The following LRP1B variants were observed in gnomAD, a reference collection of about 807,000 sequenced individuals.
LRP1B encodes the protein low-density lipoprotein receptor-related protein 1B.
In LRP1B, 217 loss-of-function variants were observed where a neutral mutation model predicts 556.6. The ratio of observed to expected loss-of-function variants is 0.39; its 90% CI spans 0.35 to 0.44. The LOEUF is 0.44. Among genes scored for constraint, LRP1B ranks in the 20% least tolerant of loss-of-function variants. The pLI, the probability that LRP1B is intolerant of heterozygous loss-of-function variation, is 1.00. For missense variants in LRP1B, 5,053 were observed against 5,620.8 expected, an observed-to-expected ratio of 0.90 and a Z score of 3.23; for synonymous variants, 2,047 against 1,865.8, an observed-to-expected ratio of 1.10 and a Z score of -2.50.
At chr2:140,887,341 G>C (rs560000056) in intron 23 of LRP1B, among the ~76,000 whole-genome samples, 1 of 152,142 alleles carries the variant, frequency 6.6e-6, no homozygotes, top group Non-Finnish European at 1.5e-5. Context: ...TAGCTCTTAT[G>C]TTAGGTCTTT....
chr2:141,958,681 A>C (rs1365032870), intron 1 of LRP1B, among the ~76,000 whole-genome samples: 4 of 151,378 alleles, frequency 2.6e-5, no homozygotes, highest in Non-Finnish European at 5.9e-5. Context: ...GAATAAAGTG[A>C]AAAGCTTTAA....
intron 2 of LRP1B, among the ~76,000 whole-genome samples, chr2:141,570,061 T>C (rs1461096737): frequency 2.0e-5 from 3 of 150,982 alleles, no homozygotes; most frequent in South Asian, 4.2e-4. Flanking sequence ...AGCAAGACCC[T>C]GTCTCTAGAA....
intron 43 of LRP1B, among the ~76,000 whole-genome samples, chr2:140,580,650 A>C (rs1177487381): frequency 6.6e-6 from 1 of 152,230 alleles, no homozygotes; most frequent in Non-Finnish European, 1.5e-5. Flanking sequence ...AATGCGGATG[A>C]AGTCTGTCAT....
chr2:140,435,542 C>T (rs547044032), intron 66 of LRP1B, among the ~76,000 whole-genome samples: 238 of 152,214 alleles, frequency 1.6e-3, no homozygotes, highest in African/African-American at 5.4e-3. Flanking sequence ...ATTTCTCTTA[C>T]GGCTTTTGCT....
chr2:140,367,822 T>C (rs2105158949), intron 71 of LRP1B, among the ~76,000 whole-genome samples: 1 of 151,850 alleles, frequency 6.6e-6, no homozygotes, highest in Middle Eastern at 3.4e-3. Flanking sequence ...CAAACAAAAT[T>C]TGTGAACGTT....
At chr2:141,644,773 GCA>G (rs1321092208) in intron 2 of LRP1B, among the ~76,000 whole-genome samples, 2 of 124,002 alleles carry the variant, frequency 1.6e-5, no homozygotes, top group Non-Finnish European at 3.4e-5. Flanking sequence ...GCATACACAT[GCA>G]CACACACACA....
chr2:141,813,583 A>AAAAC (rs149436562), intron 1 of LRP1B, among the ~76,000 whole-genome samples: 15,941 of 149,040 alleles, frequency 0.11, 1,060 homozygotes, highest in African/African-American at 0.19. Flanking sequence ...TTTTTTACTA[A>AAAAC]AAACAAACAA....
intron 3 of LRP1B, among the ~76,000 whole-genome samples, chr2:141,331,951 A>G (rs1484699482): frequency 1.6e-4 from 25 of 152,018 alleles, no homozygotes; most frequent in Admixed American, 1.6e-3. Context: ...CATCTAGCAA[A>G]CTTTTATTTA....
At chr2:140,569,022 A>C (rs1681225257) in intron 43 of LRP1B, among the ~76,000 whole-genome samples, 1 of 152,040 alleles carries the variant, frequency 6.6e-6, no homozygotes. Context: ...AGGATAATCT[A>C]CATGAAAACA....
At chr2:142,088,010 G>C (rs1485846213) in intron 1 of LRP1B, among the ~76,000 whole-genome samples, 1 of 152,042 alleles carries the variant, frequency 6.6e-6, no homozygotes, top group Non-Finnish European at 1.5e-5. Flanking sequence ...TGCAAATTAG[G>C]TAAGCAATTA....
At chr2:141,971,487 T>A (rs1376536082) in intron 1 of LRP1B, among the ~76,000 whole-genome samples, 1 of 151,484 alleles carries the variant, frequency 6.6e-6, no homozygotes, top group East Asian at 1.9e-4. Context: ...AATGTGTAGG[T>A]GACCTGCTTT....
intron 2 of LRP1B, among the ~76,000 whole-genome samples, chr2:141,666,438 C>CA (rs1207761323): frequency 2.0e-5 from 3 of 152,278 alleles, no homozygotes; most frequent in East Asian, 3.9e-4. Flanking sequence ...AGGCTGGACT[C>CA]AAACAATTGA....
At chr2:141,167,997 A>G (rs930294080) in intron 7 of LRP1B, among the ~76,000 whole-genome samples, 1 of 152,092 alleles carries the variant, frequency 6.6e-6, no homozygotes, top group Non-Finnish European at 1.5e-5. Flanking sequence ...AGAAATAAAA[A>G]TGAAGATGTA....
intron 2 of LRP1B, among the ~76,000 whole-genome samples, chr2:141,782,514 C>T (rs867407587): frequency 7.2e-5 from 7 of 97,842 alleles, no homozygotes; most frequent in African/African-American, 8.8e-5. Flanking sequence ...TTCTATTTTC[C>T]TTTTTTTTTT....
chr2:140,787,272 T>C (rs1689938371), intron 32 of LRP1B, among the ~76,000 whole-genome samples: 1 of 152,120 alleles, frequency 6.6e-6, no homozygotes, highest in Non-Finnish European at 1.5e-5. Flanking sequence ...ATCCCAAACA[T>C]CTCTGTGCCA....
chr2:141,133,411 C>A (rs532644815), intron 7 of LRP1B, among the ~76,000 whole-genome samples: 21 of 151,356 alleles, frequency 1.4e-4, no homozygotes, highest in African/African-American at 4.8e-4. Flanking sequence ...TAACTTGCAA[C>A]GGACATTAAG....
intron 86 of LRP1B, among the ~76,000 whole-genome samples, chr2:140,249,547 CAA>C (rs942556780): frequency 4.0e-5 from 6 of 151,610 alleles, no homozygotes; most frequent in African/African-American, 1.5e-4. Context: ...GGAAAAAACT[CAA>C]AGACTGTACT....
intron 2 of LRP1B, among the ~76,000 whole-genome samples, chr2:141,519,380 TATATATATATATATATATATATGAA>T (rs1397584810): frequency 0.061 from 3,317 of 54,810 alleles, 200 homozygotes; most frequent in African/African-American, 0.19. Context: ...TATATATATA[TATATATATATATATATATATATGAA>T]ATGCAATATT....
chr2:141,228,853 T>G (rs888719900), intron 6 of LRP1B, among the ~76,000 whole-genome samples: 3 of 152,148 alleles, frequency 2.0e-5, no homozygotes, highest in Non-Finnish European at 4.4e-5. Context: ...CTCTGTCTGC[T>G]TTTTTTAAAT....
Sources: gnomAD v4.1 joint callset for allele counts (sites outside exome capture counted in the v4.1 genomes callset) on GRCh38, gnomAD v4.1.1 for gene constraint, MANE v1.5 for transcripts, NCBI Gene and HGNC (gene_info 2026-07-23, HGNC 2026-07-21) for gene names.